GRIN2A: variants seen among roughly 807,000 people sequenced by gnomAD.
GRIN2A encodes the protein glutamate ionotropic receptor NMDA type subunit 2A, also known as glutamate receptor ionotropic, NMDA 2A.
In GRIN2A, 22 loss-of-function variants were observed where a neutral mutation model predicts 113.4. The observed-to-expected ratio is 0.19, with a 90% CI of 0.14 to 0.28. The LOEUF is 0.28. GRIN2A is among the 10% of genes least tolerant of loss of function. The pLI is 1.00. For synonymous variants in GRIN2A, 827 were observed against 738.4 expected, an observed-to-expected ratio of 1.12 and a Z score of -1.94; for missense variants, 1,502 against 1,887.0, an observed-to-expected ratio of 0.80 and a Z score of 3.78.
At chr16:10,146,210 C>A (rs993814517) in intron 2 of GRIN2A, among the ~76,000 whole-genome samples, 1 of 152,092 alleles carries the variant, frequency 6.6e-6, no homozygotes, top group Non-Finnish European at 1.5e-5. Flanking sequence ...CTCCACCTCC[C>A]GGGTTCAAGC....
At chr16:9,957,596 T>G (rs138342453) in intron 2 of GRIN2A, among the ~76,000 whole-genome samples, 6 of 152,124 alleles carry the variant, frequency 3.9e-5, no homozygotes, top group African/African-American at 1.4e-4. Context: ...ATATAAAACC[T>G]AAGAGGCAGC....
At chr16:9,780,208 T>G (rs1434042654) in intron 11 of GRIN2A, among the ~76,000 whole-genome samples, 4 of 152,234 alleles carry the variant, frequency 2.6e-5, no homozygotes, top group Non-Finnish European at 4.4e-5. Flanking sequence ...GTTCAAAGTA[T>G]CTACTAAAGT....
At chr16:10,091,885 G>T (rs1052932666) in intron 2 of GRIN2A, among the ~76,000 whole-genome samples, 1 of 152,148 alleles carries the variant, frequency 6.6e-6, no homozygotes, top group South Asian at 2.1e-4. Flanking sequence ...ATGATTGACA[G>T]GCCTGAGATA....
chr16:9,836,198 A>G (rs9923141), intron 7 of GRIN2A, among the ~76,000 whole-genome samples: 2,577 of 152,298 alleles, frequency 0.017, 78 homozygotes, highest in African/African-American at 0.059. Flanking sequence ...ATGAGCAAAT[A>G]AGCATATACA....
At position 9,792,079 on chromosome 16, in the gene GRIN2A, TTG is replaced by T. The variant is rs71400495; in HGVS notation, c.2356+6196_2356+6197del. Among the ~76,000 whole-genome samples the T allele has an allele frequency of 6.5e-3, 725 of 111,656 alleles. 2 individuals carry two copies. The highest frequency in any genetic ancestry group is 0.017 in the Admixed American group (199 of 11,870). The allele number at this position is 111,656 out of a possible 152,430, so 73.3% of individuals were successfully genotyped here. A position where few individuals can be genotyped will look rare whatever the true frequency, so the allele number is the denominator to read the frequency against. On this transcript the variant is annotated intron_variant, in intron 11 of 12. Coordinates refer to ENST00000330684, the MANE Select transcript of GRIN2A (RefSeq NM_001134407.3). ...ACAGAGGGAACCTGATGAAGTAAAA[TTG>T]TGTGTGTGTGTGTGTGTGTGTGTGT...
At chr16:9,992,688 C>G (rs565035041) in intron 2 of GRIN2A, among the ~76,000 whole-genome samples, 4 of 152,236 alleles carry the variant, frequency 2.6e-5, no homozygotes, top group African/African-American at 9.6e-5. Context: ...TCAACCAGGG[C>G]TAATAAATCA....
chr16:9,963,280 T>G (rs2045479467), intron 2 of GRIN2A, among the ~76,000 whole-genome samples: 1 of 151,902 alleles, frequency 6.6e-6, no homozygotes, highest in African/African-American at 2.4e-5. Context: ...AAAAAAAAAT[T>G]TTACTCTAAG....
At chr16:10,057,430 C>T (rs934626622) in intron 2 of GRIN2A, among the ~76,000 whole-genome samples, 1 of 151,988 alleles carries the variant, frequency 6.6e-6, no homozygotes, top group Admixed American at 6.6e-5. Flanking sequence ...GCAAAATATC[C>T]AAGGCCTCTT....
chr16:9,881,078 C>T (rs1293523931), intron 4 of GRIN2A, among the ~76,000 whole-genome samples: 1 of 152,132 alleles, frequency 6.6e-6, no homozygotes, highest in Non-Finnish European at 1.5e-5. Flanking sequence ...ACATAATACC[C>T]TAAGTTCTAT....
intron 2 of GRIN2A, among the ~76,000 whole-genome samples, chr16:10,093,170 A>G (rs72774184): frequency 0.084 from 12,766 of 152,246 alleles, 698 homozygotes; most frequent in Non-Finnish European, 0.13. Flanking sequence ...AAGAAGAGCA[A>G]GTGGGGCTCA....
chr16:9,963,197 C>T (rs906455001), intron 2 of GRIN2A, among the ~76,000 whole-genome samples: 2 of 151,350 alleles, frequency 1.3e-5, no homozygotes, highest in Non-Finnish European at 2.9e-5. Flanking sequence ...TGCAGCACAC[C>T]AACATGGCAC....
At chr16:9,971,521 T>A (rs1367894671) in intron 2 of GRIN2A, among the ~76,000 whole-genome samples, 1 of 152,220 alleles carries the variant, frequency 6.6e-6, no homozygotes, top group Non-Finnish European at 1.5e-5. Context: ...CACAGAACTG[T>A]GACTGACAAT....
At chr16:10,110,115 T>C (rs1198309916) in intron 2 of GRIN2A, among the ~76,000 whole-genome samples, 5 of 150,042 alleles carry the variant, frequency 3.3e-5, no homozygotes, top group South Asian at 2.2e-4. Context: ...TGTGTTCTCA[T>C]TGTTATTAAA....
chr16:10,054,919 C>T (rs1002937526), intron 2 of GRIN2A, among the ~76,000 whole-genome samples: 24 of 150,948 alleles, frequency 1.6e-4, no homozygotes, highest in Admixed American at 4.6e-4. Flanking sequence ...TGGTGGCACG[C>T]GTCTGTAGTC....
At chr16:9,773,551 T>G (rs1901411704) in intron 11 of GRIN2A, among the ~76,000 whole-genome samples, 2 of 152,186 alleles carry the variant, frequency 1.3e-5, no homozygotes, top group African/African-American at 2.4e-5. Context: ...AATGCTCTCT[T>G]GGGAACAGAT....
Position 9,890,999 on chromosome 16 carries a change from C to G in GRIN2A, c.1109G>C (p.Arg370Pro). The G allele has an allele frequency of 6.2e-7, 1 of 1,605,226 alleles. No individual in the cohort carries two copies. ...RLVVIVLNKD[R>P]EWEKVGKWEN... ...AAGGATGCTCACCTTTTCCCATTCC[C>G]GGTCTTTGTTCAGCACAATCACCAC... The change falls in exon 4 of 13, where the codon CGG becomes CCG. Residue 370 changes from arginine to proline, a missense_variant. Arg to Pro is a moderately radical substitution (Grantham distance 103). Transcript: ENST00000330684.
At chr16:9,765,501 C>G (rs1359175490) in intron 12 of GRIN2A, among the ~76,000 whole-genome samples, 1 of 152,210 alleles carries the variant, frequency 6.6e-6, no homozygotes, top group Non-Finnish European at 1.5e-5. Flanking sequence ...TCCATGCACA[C>G]ATTGATTCAT....
intron 2 of GRIN2A, among the ~76,000 whole-genome samples, chr16:10,043,763 C>T (rs1379167126): frequency 1.3e-5 from 2 of 151,976 alleles, no homozygotes; most frequent in African/African-American, 2.4e-5. Flanking sequence ...AGGTCAAACT[C>T]CTGTGCCAAA....
At chr16:10,086,560 G>T (rs2048088438) in intron 2 of GRIN2A, among the ~76,000 whole-genome samples, 1 of 148,988 alleles carries the variant, frequency 6.7e-6, no homozygotes, top group African/African-American at 2.5e-5. Flanking sequence ...AAATTACAGA[G>T]GAGCCCCAGG....
Sources: allele counts gnomAD v4.1 joint callset (sites outside exome capture counted in the v4.1 genomes callset), GRCh38; gene constraint gnomAD v4.1.1; transcripts MANE v1.5; gene names NCBI Gene and HGNC (gene_info 2026-07-23, HGNC 2026-07-21).